Variants in TMEM108 observed in about 807,000 individuals in gnomAD.
The protein encoded by TMEM108 is transmembrane protein 108, also known as cancer/testis antigen 124.
A neutral mutation model predicts 35.1 loss-of-function variants in TMEM108; 12 were observed. The ratio of observed to expected loss-of-function variants is 0.34; its 90% confidence interval spans 0.22 to 0.55. The LOEUF (loss-of-function observed/expected upper bound fraction) is 0.55, where lower values mean the gene tolerates loss of function less well. Among genes scored for constraint, TMEM108 ranks in the 20% least tolerant of loss-of-function variants. The probability of loss-of-function intolerance (pLI) is 0.89; values close to 1 mark genes in which losing one functional copy is unlikely to be tolerated. For missense variants in TMEM108, 680 were observed against 753.3 expected (o/e 0.90, Z 1.14); for synonymous variants, 287 against 308.6 (o/e 0.93, Z 0.73).
At chr3:133,047,568 A>G (rs1435058513) in intron 2 of TMEM108, among the ~76,000 whole-genome samples, 1 of 151,964 alleles carries the variant, frequency 6.6e-6, no homozygotes, top group Admixed American at 6.6e-5. Flanking sequence ...GCATTGTAGG[A>G]TGTTCAGCAG....
chr3:133,249,295 A>G (rs978853753), intron 3 of TMEM108, among the ~76,000 whole-genome samples: 2 of 152,220 alleles, frequency 1.3e-5, no homozygotes, highest in African/African-American at 4.8e-5. Context: ...ACGGAAAACT[A>G]TTAGGCTGCA....
At chr3:133,198,394 G>C (rs1414088493) in intron 2 of TMEM108, among the ~76,000 whole-genome samples, 2 of 152,176 alleles carry the variant, frequency 1.3e-5, no homozygotes, top group African/African-American at 2.4e-5. Context: ...GTAAGAGTGT[G>C]AACAACCAGA....
intron 3 of TMEM108, among the ~76,000 whole-genome samples, chr3:133,336,253 C>G (rs563649881): frequency 2.0e-5 from 3 of 152,118 alleles, no homozygotes; most frequent in Non-Finnish European, 4.4e-5. Flanking sequence ...TTTCCCCCAA[C>G]CTAAGGGTTG....
rs1262812116 is a variant in TMEM108 at position 133,106,019 on chromosome 3, G to A, written c.-47+59999G>A. Among the ~76,000 whole-genome samples the A allele has an allele frequency of 2.6e-5, 4 of 152,198 alleles. No homozygotes were observed. The East Asian group carries it at 5.8e-4, about 22-fold the overall frequency. On this transcript the variant is annotated intron_variant, in intron 2 of 5. Transcript: ENST00000321871. ...GATTATTCTGTTGACAGTGCTGTGGGAGATCCTGCCCTCACGGAATTTATA... is the reference window on the plus strand; with the variant it reads ...GATTATTCTGTTGACAGTGCTGTGGAAGATCCTGCCCTCACGGAATTTATA...
chr3:133,259,088 G>A (rs1946588713), intron 3 of TMEM108, among the ~76,000 whole-genome samples: 1 of 152,188 alleles, frequency 6.6e-6, no homozygotes, highest in Non-Finnish European at 1.5e-5. Context: ...TTACCAAGGA[G>A]ACCTTATTGG....
At chr3:133,111,799 C>T (rs1414653222) in intron 2 of TMEM108, among the ~76,000 whole-genome samples, 1 of 152,146 alleles carries the variant, frequency 6.6e-6, no homozygotes, top group East Asian at 1.9e-4. Flanking sequence ...TCTTTGGTAG[C>T]TAAAGACTTG....
chr3:133,358,664 G>A (rs2072251483), intron 3 of TMEM108, among the ~76,000 whole-genome samples: 1 of 152,154 alleles, frequency 6.6e-6, no homozygotes, highest in Non-Finnish European at 1.5e-5. Flanking sequence ...TCTTTGAGCA[G>A]TTATTCATTC....
chr3:133,254,910 C>T (rs917756012), intron 3 of TMEM108, among the ~76,000 whole-genome samples: 1 of 152,144 alleles, frequency 6.6e-6, no homozygotes, highest in African/African-American at 2.4e-5. Flanking sequence ...AAGTCTCATT[C>T]ATTCATATTT....
At chr3:133,099,729 A>G (rs756269447) in intron 2 of TMEM108, among the ~76,000 whole-genome samples, 1 of 152,184 alleles carries the variant, frequency 6.6e-6, no homozygotes, top group Non-Finnish European at 1.5e-5. Context: ...ACATAATAAG[A>G]GTCACCTTTG....
At chr3:133,254,375 C>T (rs1946515233) in intron 3 of TMEM108, among the ~76,000 whole-genome samples, 1 of 152,024 alleles carries the variant, frequency 6.6e-6, no homozygotes, top group Non-Finnish European at 1.5e-5. Context: ...GGTTTTGATT[C>T]CTATTAAATA....
intron 2 of TMEM108, among the ~76,000 whole-genome samples, chr3:133,073,267 C>T (rs191118086): frequency 6.6e-6 from 1 of 151,776 alleles, no homozygotes; most frequent in Non-Finnish European, 1.5e-5. Flanking sequence ...TGACCAACAT[C>T]TTCCCAGTTC....
chr3:133,353,394 T>C (rs1488998901), intron 3 of TMEM108, among the ~76,000 whole-genome samples: 1 of 152,208 alleles, frequency 6.6e-6, no homozygotes, highest in Non-Finnish European at 1.5e-5. Flanking sequence ...AGTATACTAC[T>C]GGTCTTCCAA....
chr3:133,128,061 G>C (rs1379841716), intron 2 of TMEM108, among the ~76,000 whole-genome samples: 1 of 152,172 alleles, frequency 6.6e-6, no homozygotes, highest in Non-Finnish European at 1.5e-5. Flanking sequence ...AGAAATATCA[G>C]GTGGATGGAT....
chr3:133,065,761 A>T (rs760671273), intron 2 of TMEM108, among the ~76,000 whole-genome samples: 1 of 152,218 alleles, frequency 6.6e-6, no homozygotes, highest in Non-Finnish European at 1.5e-5. Flanking sequence ...AATGGAAATT[A>T]CAATACCAGT....
At chr3:133,229,128 G>T (rs944505315) in intron 2 of TMEM108, 138 bp from the exon 3 acceptor site, 29 of 565,226 alleles carry the variant, frequency 5.1e-5, no homozygotes, top group African/African-American at 4.8e-4. Flanking sequence ...TTAAACTGTG[G>T]TGTATTTATC....
At chr3:133,305,545 A>T (rs1014832580) in intron 3 of TMEM108, among the ~76,000 whole-genome samples, 4 of 152,008 alleles carry the variant, frequency 2.6e-5, no homozygotes, top group Admixed American at 6.6e-5. Context: ...TAAAAGAAAG[A>T]TGCCTATGAA....
intron 2 of TMEM108, among the ~76,000 whole-genome samples, chr3:133,203,891 T>G (rs919390318): frequency 2.0e-5 from 3 of 152,210 alleles, no homozygotes; most frequent in African/African-American, 7.2e-5. Context: ...TCTTTATACC[T>G]CTGGTAAAAT....
intron 3 of TMEM108, among the ~76,000 whole-genome samples, chr3:133,285,318 T>C (rs1946968757): frequency 6.6e-6 from 1 of 152,198 alleles, no homozygotes; most frequent in Admixed American, 6.5e-5. Context: ...TCCTCTTGTG[T>C]TTTAGAATTT....
At chr3:133,212,488 T>C (rs543453912) in intron 2 of TMEM108, among the ~76,000 whole-genome samples, 1 of 152,304 alleles carries the variant, frequency 6.6e-6, no homozygotes, top group Admixed American at 6.5e-5. Context: ...CTGTTGATCA[T>C]AAGTTCAGAG....
Sources: allele counts gnomAD v4.1 joint callset (sites outside exome capture counted in the v4.1 genomes callset), GRCh38; gene constraint gnomAD v4.1.1; transcripts MANE v1.5; gene names NCBI Gene and HGNC (gene_info 2026-07-23, HGNC 2026-07-21).